Variants in HECTD4 observed in about 807,000 individuals in gnomAD.
HECTD4 encodes the protein HECT domain E3 ubiquitin protein ligase 4, also known as probable E3 ubiquitin-protein ligase HECTD4.
HECTD4 carries 114 observed loss-of-function variants against 471.5 expected under a neutral mutation model. The observed-to-expected ratio is 0.24, with a 90% CI of 0.21 to 0.28. The LOEUF is 0.28. Among genes scored for constraint, HECTD4 ranks in the 10% least tolerant of loss-of-function variants. HECTD4 has a pLI of 1.00. For synonymous variants in HECTD4, 2,012 were observed against 2,256.0 expected (o/e 0.89, Z 3.07); for missense variants, 3,866 against 5,651.5 (o/e 0.68, Z 10.13).
chr12:112,205,513 A>T (rs2032551644), intron 52 of HECTD4, among the ~76,000 whole-genome samples: 1 of 152,240 alleles, frequency 6.6e-6, no homozygotes, highest in South Asian at 2.1e-4. Flanking sequence ...TTTTGCAGTT[A>T]TTTCATTTTC....
chr12:112,198,419 A>C (rs925334850), intron 55 of HECTD4, among the ~76,000 whole-genome samples: 2 of 152,182 alleles, frequency 1.3e-5, no homozygotes, highest in African/African-American at 4.8e-5. Context: ...GGTTCTGTGA[A>C]GCAGGTTAGG....
intron 44 of HECTD4, among the ~76,000 whole-genome samples, chr12:112,220,324 G>C (rs1052552666): frequency 1.3e-5 from 2 of 151,988 alleles, no homozygotes; most frequent in African/African-American, 4.8e-5. Context: ...CCCTACTATG[G>C]AGGGAAAATA....
At chr12:112,217,422 T>C (rs995510305) in intron 45 of HECTD4, among the ~76,000 whole-genome samples, 1 of 152,150 alleles carries the variant, frequency 6.6e-6, no homozygotes, top group African/African-American at 2.4e-5. Flanking sequence ...GGTGCAATCA[T>C]AGCTCGCTGC....
At chr12:112,177,375 C>CTTTTTTTTTTTTTTTTTTTTTTTTTT (rs1170542769) in intron 64 of HECTD4, among the ~76,000 whole-genome samples, 1 of 143,466 alleles carries the variant, frequency 7.0e-6, no homozygotes, top group African/African-American at 2.7e-5. Context: ...TGTTATGAGG[C>CTTTTTTTTTTTTTTTTTTTTTTTTTT]TATTTTTTTT....
rs369499600 is a variant in HECTD4 at position 112,193,176 on chromosome 12, A to C, written c.8971T>G (p.Phe2991Val). The change falls in exon 58 of 76, where the codon TTC (phenylalanine) becomes GTC (valine). Residue 2991 changes from phenylalanine to valine, a missense_variant. By Grantham distance (50) the Phe-to-Val change is conservative. Transcript: ENST00000682272. This position sits in a 1 kb window ranked among gnomAD's most constrained non-coding sequence, Gnocchi z 5.2. ...CSFLQTAPEQ[F>V]PSEEFPISES... The stretch of plus-strand genomic sequence containing the variant: ...GAAATTGGGAACTCTTCGGAGGGGA[A>C]CTGCTCTGGTGCTGTCTGCAAAGAG... 6.2e-7 allele frequency: 1 copy of C among 1,613,816 alleles called. No individual in the cohort carries two copies. The highest frequency in any genetic ancestry group is 8.5e-7 in the Non-Finnish European group (1 of 1,179,870).
At chr12:112,320,700 TA>T (rs200615771) in intron 1 of HECTD4, among the ~76,000 whole-genome samples, 57 of 147,046 alleles carry the variant, frequency 3.9e-4, no homozygotes, top group African/African-American at 1.0e-3. Context: ...GACTCTGTCT[TA>T]AAAAAAAAAA....
intron 1 of HECTD4, among the ~76,000 whole-genome samples, chr12:112,336,740 G>A (rs1047400595): frequency 2.0e-5 from 3 of 152,134 alleles, no homozygotes; most frequent in Non-Finnish European, 2.9e-5. Context: ...ACATGGGAAA[G>A]AGAAAAGAAG....
chr12:112,179,447 G>T lies in HECTD4; in HGVS notation c.10988-50C>A. The T allele has an allele frequency of 1.4e-6, 2 of 1,470,884 alleles. No homozygotes were observed. Among genetic ancestry groups the T allele is most frequent in the Non-Finnish European group, 9.4e-7 (1 of 1,067,542 alleles). The allele number at this position is 1,470,884 out of a possible 1,614,324, so 91.1% of individuals were successfully genotyped here. ...CAATTCTGCCGTGAACATGCATCGG[G>T]ACAAGCCCTGCGAGCATTCTGTTTC... On this transcript the variant is annotated intron_variant, in intron 62 of 75. Coordinates refer to ENST00000682272, the MANE Select transcript of HECTD4 (RefSeq NM_001388303.1). The surrounding 1 kb of genome is among the most constrained non-coding windows in gnomAD (Gnocchi z 4.3).
At chr12:112,233,466 T>A (rs1223029345) in intron 37 of HECTD4, among the ~76,000 whole-genome samples, 1 of 151,982 alleles carries the variant, frequency 6.6e-6, no homozygotes. Flanking sequence ...CAAGCCATCC[T>A]CCTGCCTTGG....
At position 112,239,709 on chromosome 12, in the gene HECTD4, A is replaced by G. The variant is rs112956061; in HGVS notation, c.5105+172T>C. 7.2e-5 allele frequency among the ~76,000 whole-genome samples: 11 copies of G among 152,332 alleles called. No individual in the cohort carries two copies. Among genetic ancestry groups the G allele is most frequent in the African/African-American group, 2.6e-4 (11 of 41,586 alleles). ...CTGCATTTAGTCATGTTGGAACTCAATAATAAGAAATTTACATAGGAACCT... is the reference window on the plus strand; with the variant it reads ...CTGCATTTAGTCATGTTGGAACTCAGTAATAAGAAATTTACATAGGAACCT... On this transcript the variant is annotated intron_variant, in intron 33 of 75. Coordinates refer to ENST00000682272, the MANE Select transcript of HECTD4 (RefSeq NM_001388303.1). The surrounding 1 kb of genome is among the most constrained non-coding windows in gnomAD (Gnocchi z 4.9).
At position 112,323,961 on chromosome 12, in the gene HECTD4, T is replaced by TCTTC. The variant is rs2035645744; in HGVS notation, c.178-4220_178-4219insGAAG. Reference sequence around the variant, plus strand: ...TTACTGAGGTGCTTCTTTCTTTCTTTCTTTCTTCCTTCCTTCCTTCCTTCC... The same window carrying TCTTC: ...TTACTGAGGTGCTTCTTTCTTTCTTTCTTCCTTTCTTCCTTCCTTCCTTCCTTCC... On this transcript the variant is annotated intron_variant, in intron 1 of 75. Coordinates refer to ENST00000682272, the MANE Select transcript of HECTD4 (RefSeq NM_001388303.1). 5.7e-4 allele frequency among the ~76,000 whole-genome samples: 25 copies of TCTTC among 43,750 alleles called. 4 individuals are homozygous for TCTTC. Among genetic ancestry groups the TCTTC allele is most frequent in the African/African-American group, 3.9e-3 (22 of 5,680 alleles). 28.7% of individuals were successfully genotyped at this position (43,750 alleles called of 152,430 possible).
At chr12:112,195,159 T>G in intron 55 of HECTD4, 93 bp from the exon 56 acceptor site, 40 of 1,046,430 alleles carry the variant, frequency 3.8e-5, no homozygotes, top group Non-Finnish European at 4.9e-5. Flanking sequence ...AAAAGGATCC[T>G]GCCTCAGGCT....
intron 1 of HECTD4, among the ~76,000 whole-genome samples, chr12:112,371,084 A>G (rs2036658068): frequency 6.6e-6 from 1 of 152,210 alleles, no homozygotes; most frequent in Non-Finnish European, 1.5e-5. Context: ...CCTAGGAAAG[A>G]AGAGATGTAT....
chr12:112,217,352 C>T (rs925771170), intron 45 of HECTD4, among the ~76,000 whole-genome samples, 157 bp from the exon 46 acceptor site: 9 of 151,784 alleles, frequency 5.9e-5, no homozygotes, highest in Admixed American at 5.9e-4. Flanking sequence ...CACACACACA[C>T]ACACAATTTA....
rs2035679533 is a variant in HECTD4 at position 112,324,049 on chromosome 12, T to TCTTC, written c.178-4308_178-4307insGAAG. ...TCCTTCCTTCCTTCCTTCCTTCCTTTCTTTCTTTCTTTCTTTCTTTCTTTC... is the reference window on the plus strand; with the variant it reads ...TCCTTCCTTCCTTCCTTCCTTCCTTTCTTCCTTTCTTTCTTTCTTTCTTTCTTTC... On this transcript the variant is annotated intron_variant, in intron 1 of 75. Transcript: ENST00000682272. Among the ~76,000 whole-genome samples, 3 of 55,208 alleles carry TCTTC rather than the reference T, an allele frequency of 5.4e-5. 1 individual carries two copies. The highest frequency in any genetic ancestry group is 1.6e-3 in the South Asian group (2 of 1,224). 36.2% of individuals were successfully genotyped at this position (55,208 alleles called of 152,430 possible).
chr12:112,267,050 T>A lies in HECTD4; in HGVS notation c.2322-68A>T, dbSNP rs527405332. ...AGAAAATCAACTCTAAATATTTAAATTCATATTTTTATTAAAGATGTCAAT... is the reference window on the plus strand; with the variant it reads ...AGAAAATCAACTCTAAATATTTAAAATCATATTTTTATTAAAGATGTCAAT... On this transcript the variant is annotated intron_variant, in intron 13 of 75. Coordinates refer to ENST00000682272, the MANE Select transcript of HECTD4 (RefSeq NM_001388303.1). The A allele has an allele frequency of 7.9e-6, 7 of 887,858 alleles. No individual in the cohort carries two copies. In the African/African-American group the frequency reaches 1.2e-4, roughly 15 times the overall value. The allele number at this position is 887,858 out of a possible 1,614,324, so 55.0% of individuals were successfully genotyped here. A position where few individuals can be genotyped will look rare whatever the true frequency, so the allele number is the denominator to read the frequency against.
chr12:112,338,772 T>C (rs2036002465), intron 1 of HECTD4, among the ~76,000 whole-genome samples: 1 of 152,054 alleles, frequency 6.6e-6, no homozygotes, highest in South Asian at 2.1e-4. Flanking sequence ...TACGGAGCTT[T>C]TACTTGTGGA....
At position 112,190,798 on chromosome 12, in the gene HECTD4, C is replaced by T. The variant is rs1400573808; in HGVS notation, c.9460G>A (p.Val3154Met). ...AAGGCAGCCTCACCTAGCAGCTCCA[C>T]CACCTGCAGGAGGACGGATGTCGGA... ...TIPTSVLLQV[V>M]ELLGNFLWTT... The change falls in exon 60 of 76, where the codon GTG becomes ATG. Residue 3154 changes from valine to methionine, a missense_variant. Transcript: ENST00000682272. The T allele has an allele frequency of 1.3e-6, 2 of 1,583,488 alleles. No homozygotes were observed. Among genetic ancestry groups the T allele is most frequent in the East Asian group, 2.3e-5 (1 of 43,250 alleles).
rs1289555749 is a variant in HECTD4, at chr12:112,247,092, G to A, written c.4338-16C>T. On this transcript the variant is annotated splice_polypyrimidine_tract_variant and intron_variant, in intron 28 of 75. Transcript: ENST00000682272. ...GAACTTCTCCCTATAAAGAAAGACT[G>A]ATGTGCATTGAGTTGTTCTCTAGCT... is the stretch of plus-strand genomic sequence containing the variant. 1 of 1,576,340 alleles carries A rather than the reference G, an allele frequency of 6.3e-7. No homozygotes were observed. The highest frequency in any genetic ancestry group is 1.8e-5 in the Admixed American group (1 of 56,684).
Sources: gnomAD v4.1 joint callset for allele counts (sites outside exome capture counted in the v4.1 genomes callset) on GRCh38, gnomAD v4.1.1 for gene constraint, Gnocchi (gnomAD v3.1) non-coding constraint, MANE v1.5 for transcripts, NCBI Gene and HGNC (gene_info 2026-07-23, HGNC 2026-07-21) for gene names.